Variants in ACAP2 observed in about 807,000 individuals in gnomAD.
ACAP2 encodes ArfGAP with coiled-coil, ankyrin repeat and PH domains 2, also known as arf-GAP with coiled-coil, ANK repeat and PH domain-containing protein 2.
In ACAP2, 39 loss-of-function variants were observed where a neutral mutation model predicts 115.8. The ratio of observed to expected loss-of-function variants is 0.34; its 90% CI spans 0.26 to 0.44. The LOEUF is 0.44. Among genes scored for constraint, ACAP2 ranks in the 20% least tolerant of loss-of-function variants. The pLI is 1.00. For missense variants in ACAP2, 662 were observed against 927.6 expected (o/e 0.71, Z 3.72); for synonymous variants, 289 against 315.8 (o/e 0.92, Z 0.90).
Position 195,345,335 on chromosome 3 carries a change from A to C in ACAP2, c.286-18T>G, listed in dbSNP as rs1731129344. ...AACAGGATCTAAAAAATAAAATGTAATATTAAGTGATTAGAAAAGTAAACA... is the reference window on the plus strand; with the variant it reads ...AACAGGATCTAAAAAATAAAATGTACTATTAAGTGATTAGAAAAGTAAACA... On this transcript the variant is annotated intron_variant, in intron 4 of 22. Coordinates refer to ENST00000326793, the MANE Select transcript of ACAP2 (RefSeq NM_012287.6). 1 of 1,488,608 alleles carries C rather than the reference A, an allele frequency of 6.7e-7. No homozygotes were observed. The highest frequency in any genetic ancestry group is 1.1e-5 in the South Asian group (1 of 87,182). The allele number at this position is 1,488,608 out of a possible 1,614,324, so 92.2% of individuals were successfully genotyped here.
chr3:195,417,977 A>G (rs537221738), intron 1 of ACAP2, among the ~76,000 whole-genome samples: 166 of 151,970 alleles, frequency 1.1e-3, no homozygotes, highest in Non-Finnish European at 1.6e-3. Flanking sequence ...ACTACTTAAT[A>G]TTTTTCTATG....
At chr3:195,434,151 A>G (rs1715352271) in intron 1 of ACAP2, among the ~76,000 whole-genome samples, 1 of 151,870 alleles carries the variant, frequency 6.6e-6, no homozygotes, top group African/African-American at 2.4e-5. Flanking sequence ...CTGATCTCGA[A>G]CTCCTGGACG....
intron 22 of ACAP2, among the ~76,000 whole-genome samples, chr3:195,281,400 G>A (rs780101493): frequency 1.1e-4 from 17 of 151,420 alleles, no homozygotes; most frequent in Admixed American, 7.2e-4. Flanking sequence ...GCGAGACTCC[G>A]CCTCAAAAAA....
chr3:195,275,457 T>C lies in ACAP2; in HGVS notation c.*3871A>G, dbSNP rs566405594. On this transcript the variant is annotated 3_prime_UTR_variant, in exon 23 of 23. Coordinates refer to ENST00000326793, the MANE Select transcript of ACAP2 (RefSeq NM_012287.6). ...CAAAAATGTAAGATTTCCTACAATTTTGTCTTCAAATCCCAATCTAGCCCT... is the reference window on the plus strand; with the variant it reads ...CAAAAATGTAAGATTTCCTACAATTCTGTCTTCAAATCCCAATCTAGCCCT... 10 of 152,364 alleles carry C rather than the reference T, an allele frequency of 6.6e-5. No individual in the cohort carries two copies. Among genetic ancestry groups the C allele is most frequent in the African/African-American group, 1.9e-4 (8 of 41,592 alleles). 9.4% of individuals were successfully genotyped at this position (152,364 alleles called of 1,614,324 possible). A position where few individuals can be genotyped will look rare whatever the true frequency, so the allele number is the denominator to read the frequency against.
chr3:195,332,989 A>G, intron 8 of ACAP2, 39 bp downstream of exon 8: 1 of 1,432,372 alleles, frequency 7.0e-7, no homozygotes, highest in Non-Finnish European at 9.7e-7. Flanking sequence ...ACAAATACCA[A>G]TGTATAAAAC....
chr3:195,287,690 A>G (rs1264573523), intron 21 of ACAP2, among the ~76,000 whole-genome samples: 2 of 152,210 alleles, frequency 1.3e-5, no homozygotes, highest in Non-Finnish European at 2.9e-5. Context: ...CAAATTACTA[A>G]TATCAATGCA....
At chr3:195,393,753 A>C (rs1711525437) in intron 1 of ACAP2, among the ~76,000 whole-genome samples, 1 of 152,206 alleles carries the variant, frequency 6.6e-6, no homozygotes, top group Admixed American at 6.5e-5. Context: ...TTAGAAACCT[A>C]GATGTGCAGC....
At chr3:195,436,638 TAA>T (rs986702991) in intron 1 of ACAP2, among the ~76,000 whole-genome samples, 3 of 152,036 alleles carry the variant, frequency 2.0e-5, no homozygotes, top group Admixed American at 2.0e-4. Flanking sequence ...GGCCAAATAA[TAA>T]AAAGTTTTAA....
intron 1 of ACAP2, among the ~76,000 whole-genome samples, chr3:195,434,067 T>G (rs1209831056): frequency 6.6e-6 from 1 of 152,108 alleles, no homozygotes; most frequent in East Asian, 1.9e-4. Context: ...GAGCTGGGAC[T>G]ATAGGCATGT....
intron 9 of ACAP2, chr3:195,325,485 G>A: frequency 2.4e-6 from 1 of 416,028 alleles, no homozygotes; most frequent in East Asian, 7.3e-5. Flanking sequence ...GCAGAAAAGA[G>A]GTCAGTATTC....
chr3:195,328,382 G>C (rs968446258), intron 8 of ACAP2, among the ~76,000 whole-genome samples: 1 of 151,876 alleles, frequency 6.6e-6, no homozygotes, highest in African/African-American at 2.4e-5. Flanking sequence ...AATAATTCTA[G>C]TCACAGATAA....
At chr3:195,337,106 T>C (rs1577321156) in intron 6 of ACAP2, 130 bp from the exon 7 acceptor site, 1 of 756,710 alleles carries the variant, frequency 1.3e-6, no homozygotes, top group Non-Finnish European at 2.1e-6. Flanking sequence ...GCTCAAGCTT[T>C]TTCATCCTTC....
At chr3:195,365,214 CACA>C (rs1165817561) in intron 4 of ACAP2, among the ~76,000 whole-genome samples, 1 of 152,016 alleles carries the variant, frequency 6.6e-6, no homozygotes, top group Non-Finnish European at 1.5e-5. Flanking sequence ...TATTTGCTAG[CACA>C]ACAAGGTGAC....
chr3:195,375,776 A>G (rs1417630082), intron 4 of ACAP2, among the ~76,000 whole-genome samples: 1 of 152,232 alleles, frequency 6.6e-6, no homozygotes, highest in African/African-American at 2.4e-5. Context: ...TGATCATGCT[A>G]CTGCCTAGGC....
chr3:195,282,154 T>C (rs2108889077), intron 22 of ACAP2: 1 of 152,342 alleles, frequency 6.6e-6, no homozygotes, highest in African/African-American at 2.4e-5. Flanking sequence ...ATATTTTGTA[T>C]AACAAGCTAT....
intron 4 of ACAP2, among the ~76,000 whole-genome samples, chr3:195,372,586 C>T (rs1733228871): frequency 1.3e-5 from 2 of 152,042 alleles, no homozygotes; most frequent in Non-Finnish European, 2.9e-5. Flanking sequence ...CTCTGGGAGG[C>T]TGAGGCAAGA....
At chr3:195,311,079 T>C (rs897818583) in intron 10 of ACAP2, among the ~76,000 whole-genome samples, 1 of 143,448 alleles carries the variant, frequency 7.0e-6, no homozygotes, top group African/African-American at 2.6e-5. Flanking sequence ...TAACATTTCA[T>C]TGTGGTTTTT....
intron 1 of ACAP2, among the ~76,000 whole-genome samples, chr3:195,425,385 TATAGTATGTTATGTG>T (rs1474800388): frequency 6.6e-6 from 1 of 152,194 alleles, no homozygotes; most frequent in Non-Finnish European, 1.5e-5. Context: ...AAATAAAAAT[TATAGTATGTTATGTG>T]AAAATGGAGA....
chr3:195,323,408 C>G (rs1729576060), intron 9 of ACAP2, among the ~76,000 whole-genome samples: 1 of 151,920 alleles, frequency 6.6e-6, no homozygotes, highest in Admixed American at 6.6e-5. Context: ...GCAAACAGAA[C>G]AGTGGTAAAA....
Sources: allele counts gnomAD v4.1 joint callset (sites outside exome capture counted in the v4.1 genomes callset), GRCh38; gene constraint gnomAD v4.1.1; transcripts MANE v1.5; gene names NCBI Gene and HGNC (gene_info 2026-07-23, HGNC 2026-07-21).